The following OPN3 variants were observed in gnomAD, a reference collection of about 807,000 sequenced individuals.
OPN3 encodes the protein opsin-3.
In OPN3, 29 loss-of-function variants were observed where a neutral mutation model predicts 33.8. That is an observed-to-expected ratio of 0.86 (90% CI 0.64 to 1.17). The LOEUF is 1.17. Ranked by LOEUF, OPN3 falls within the 50% of genes most tolerant of loss-of-function variation. The pLI is 0.00. For synonymous variants in OPN3, 216 were observed against 216.1 expected (o/e 1.00, Z 0.00); for missense variants, 437 against 514.1 (o/e 0.85, Z 1.45).
chr1:241,623,283 T>C (rs1202141065), intron 1 of OPN3, among the ~76,000 whole-genome samples: 1 of 152,194 alleles, frequency 6.6e-6, no homozygotes, highest in African/African-American at 2.4e-5. Flanking sequence ...GGCTAATTTA[T>C]CTCAACAGTT....
At chr1:241,606,370 C>A (rs371401865) in intron 1 of OPN3, among the ~76,000 whole-genome samples, 1 of 151,958 alleles carries the variant, frequency 6.6e-6, no homozygotes, top group Non-Finnish European at 1.5e-5. Flanking sequence ...ATGGCGAAAC[C>A]CTGTCTCTAC....
chr1:241,593,567 G>T lies in OPN3; in HGVS notation c.*861C>A, dbSNP rs1663396414. ...TAATTTTTCCTTCTACCCACTTTAG[G>T]TTCCTTGGCTGGGGCCCCTATAACA... is the stretch of plus-strand genomic sequence containing the variant. On this transcript the variant is annotated 3_prime_UTR_variant, in exon 4 of 4. Coordinates refer to ENST00000366554, the MANE Select transcript of OPN3 (RefSeq NM_014322.3). The T allele has an allele frequency of 1.3e-5, 3 of 236,924 alleles. No homozygotes were observed. Among genetic ancestry groups the T allele is most frequent in the South Asian group, 1.0e-4 (2 of 19,224 alleles). The allele number at this position is 236,924 out of a possible 1,614,324, so 14.7% of individuals were successfully genotyped here. A position where few individuals can be genotyped will look rare whatever the true frequency, so the allele number is the denominator to read the frequency against.
At chr1:241,628,203 G>A (rs543320876) in intron 1 of OPN3, among the ~76,000 whole-genome samples, 1 of 152,272 alleles carries the variant, frequency 6.6e-6, no homozygotes, top group Non-Finnish European at 1.5e-5. Context: ...CAGGAAACAG[G>A]AAGTGCTAGT....
rs1665081358 is a variant in OPN3, at chr1:241,640,347, G to T, written c.-93C>A. On this transcript the variant is annotated 5_prime_UTR_variant, in exon 1 of 4. Transcript: ENST00000366554. ...CACTGGGTGGGGTTGGGGCTCCGCC[G>T]CCTGCTCTAGCCATTGTGCACTGAG... is the stretch of plus-strand genomic sequence containing the variant. 2 of 1,060,016 alleles carry T rather than the reference G, an allele frequency of 1.9e-6. No individual in the cohort carries two copies. The highest frequency in any genetic ancestry group is 2.3e-6 in the Non-Finnish European group (2 of 880,148). 65.7% of individuals were successfully genotyped at this position (1,060,016 alleles called of 1,614,324 possible).
chr1:241,622,125 A>C (rs1664284118), intron 1 of OPN3, among the ~76,000 whole-genome samples: 1 of 152,140 alleles, frequency 6.6e-6, no homozygotes. Flanking sequence ...GAACAAATTA[A>C]TCTCCTGGTG....
chr1:241,631,463 GTTAGAT>G (rs1006544792), intron 1 of OPN3: 22 of 151,864 alleles, frequency 1.4e-4, no homozygotes, highest in African/African-American at 3.1e-4. Flanking sequence ...CAGTTGTTCT[GTTAGAT>G]TTAAACTTTA....
chr1:241,639,910 C>T lies in OPN3; in HGVS notation c.345G>A (p.Val115=). The T allele has an allele frequency of 6.3e-7, 1 of 1,596,832 alleles. No individual in the cohort carries two copies. The highest frequency in any genetic ancestry group is 8.5e-7 in the Non-Finnish European group (1 of 1,172,242). The change falls in exon 1 of 4, where the codon GTG becomes GTA. Residue 115 remains valine (V), a synonymous_variant. Transcript: ENST00000366554. The part of the protein sequence containing the change: ...NGWVWDTVGC[V]WDGFSGSLFG... ...AGAGGCTGCCGCTAAACCCGTCCCACACGCAGCCCACGGTGTCCCACACCC... is the reference window on the plus strand; with the variant it reads ...AGAGGCTGCCGCTAAACCCGTCCCATACGCAGCCCACGGTGTCCCACACCC...
intron 1 of OPN3, chr1:241,632,453 T>G (rs563084105): frequency 6.6e-6 from 1 of 152,210 alleles, no homozygotes; most frequent in African/African-American, 2.4e-5. Flanking sequence ...ATAAATACTA[T>G]TTCAGAGCAA....
At chr1:241,619,056 G>A (rs984034169) in intron 1 of OPN3, among the ~76,000 whole-genome samples, 1 of 151,862 alleles carries the variant, frequency 6.6e-6, no homozygotes, top group Non-Finnish European at 1.5e-5. Context: ...CAGTGCTATG[G>A]TGCCTTTTAT....
intron 3 of OPN3, among the ~76,000 whole-genome samples, chr1:241,597,056 C>T (rs564480930): frequency 1.1e-3 from 163 of 152,032 alleles, no homozygotes; most frequent in African/African-American, 3.5e-3. Flanking sequence ...GTCTTGAACT[C>T]TTAGCTCAAG....
At chr1:241,599,205 CTA>C (rs1389643616) in intron 2 of OPN3, among the ~76,000 whole-genome samples, 1 of 151,692 alleles carries the variant, frequency 6.6e-6, no homozygotes, top group African/African-American at 2.4e-5. Context: ...GGTAGAGAGA[CTA>C]TGTGCAGGGA....
chr1:241,613,243 C>T (rs1664042323), intron 1 of OPN3, among the ~76,000 whole-genome samples: 1 of 152,114 alleles, frequency 6.6e-6, no homozygotes, highest in Admixed American at 6.5e-5. Context: ...AAGCAGTTTG[C>T]CTGTGTTATC....
At chr1:241,636,248 G>C (rs982268125) in intron 1 of OPN3, among the ~76,000 whole-genome samples, 9 of 152,136 alleles carry the variant, frequency 5.9e-5, no homozygotes, top group African/African-American at 2.2e-4. Context: ...ATGGACAATA[G>C]AGATATAACA....
intron 1 of OPN3, chr1:241,633,251 T>C (rs577302528): frequency 1.9e-4 from 29 of 156,692 alleles, no homozygotes; most frequent in African/African-American, 5.5e-4. Flanking sequence ...TAAACGATTA[T>C]AGACAAATGT....
intron 1 of OPN3, among the ~76,000 whole-genome samples, chr1:241,626,618 A>T (rs1664425318): frequency 3.3e-5 from 5 of 152,186 alleles, no homozygotes; most frequent in Admixed American, 3.3e-4. Flanking sequence ...TCAGCCATAC[A>T]TTCCCCCAAA....
intron 1 of OPN3, chr1:241,635,709 C>A: frequency 6.2e-7 from 1 of 1,613,976 alleles, no homozygotes; most frequent in East Asian, 2.2e-5. Flanking sequence ...AGGATGGATT[C>A]GGGCAAACCT....
intron 1 of OPN3, among the ~76,000 whole-genome samples, chr1:241,616,485 C>G (rs1487493901): frequency 6.6e-6 from 1 of 152,124 alleles, no homozygotes; most frequent in Non-Finnish European, 1.5e-5. Context: ...CTATTTCCTA[C>G]TTACTATATT....
At position 241,604,341 on chromosome 1, in the gene OPN3, A is replaced by C. The variant is rs759991247; in HGVS notation, c.612T>G (p.Leu204=). 16 of 1,614,182 alleles carry C rather than the reference A, an allele frequency of 9.9e-6. No homozygotes were observed. The South Asian group carries it at 1.4e-4, about 14-fold the overall frequency. The stretch of plus-strand genomic sequence containing the variant: ...CCACCAGGCAGCCAAGAAATAAGAA[A>C]AGCACAAAGGAGGAATCGTTGGCAT... The part of the protein sequence containing the change: ...SKDANDSSFV[L]FLFLGCLVVP... The change falls in exon 2 of 4, where the codon CTT becomes CTG. Residue 204 remains leucine (L), a synonymous_variant. Transcript: ENST00000366554.
rs1415832848 is a variant in OPN3 at position 241,594,547 on chromosome 1, C to CT, written c.1089dup (p.Val364SerfsTer15). The CT allele has an allele frequency of 6.2e-7, 1 of 1,614,124 alleles. No homozygotes were observed. Among genetic ancestry groups the CT allele is most frequent in the East Asian group, 2.2e-5 (1 of 44,880 alleles). On this transcript the variant is annotated frameshift_variant, in exon 4 of 4. Transcript: ENST00000366554. LOFTEE classifies it high-confidence loss of function. Reference sequence around the variant, plus strand: ...ATGATGGAAGAAGAGTTGAAAGTCACTTTTTTCTTTGGCCTGTCCCCATCT... The same window carrying CT: ...ATGATGGAAGAAGAGTTGAAAGTCACTTTTTTTCTTTGGCCTGTCCCCATCT...
Sources: allele counts gnomAD v4.1 joint callset (sites outside exome capture counted in the v4.1 genomes callset), GRCh38; gene constraint gnomAD v4.1.1; transcripts MANE v1.5; gene names NCBI Gene and HGNC (gene_info 2026-07-23, HGNC 2026-07-21).